Variants in KIRREL3 observed in about 807,000 individuals in gnomAD.
KIRREL3 encodes kin of IRRE-like protein 3.
KIRREL3 carries 36 observed loss-of-function variants against 89.7 expected under a neutral mutation model. The ratio of observed to expected loss-of-function variants is 0.40; its 90% confidence interval spans 0.31 to 0.53. The LOEUF (loss-of-function observed/expected upper bound fraction) is 0.53, where lower values mean the gene tolerates loss of function less well. KIRREL3 is among the 20% of genes least tolerant of loss of function. The probability of loss-of-function intolerance (pLI) is 0.49; values close to 1 mark genes in which losing one functional copy is unlikely to be tolerated. For missense variants in KIRREL3, 864 were observed against 1,056.6 expected (o/e 0.82, Z 2.53); for synonymous variants, 445 against 441.4 (o/e 1.01, Z -0.10).
At position 126,747,202 on chromosome 11, in the gene KIRREL3, G is replaced by C. The variant is rs1352606823; in HGVS notation, c.56-184290C>G. On this transcript the variant is annotated intron_variant, in intron 1 of 16. Coordinates refer to ENST00000525144, the MANE Select transcript of KIRREL3 (RefSeq NM_032531.4). The surrounding 1 kb of genome is among the most constrained non-coding windows in gnomAD (Gnocchi z 4.7). ...GAGCTTGGCTCTTGGCTTAGTCCCA[G>C]GCCAGCAGGCCTCATACCTCTACTC... Among the ~76,000 whole-genome samples, 5 of 152,186 alleles carry C rather than the reference G, an allele frequency of 3.3e-5. No individual in the cohort carries two copies. Among genetic ancestry groups the C allele is most frequent in the Non-Finnish European group, 7.3e-5 (5 of 68,028 alleles).
chr11:126,939,613 A>G (rs1431991443), intron 1 of KIRREL3, among the ~76,000 whole-genome samples: 1 of 152,168 alleles, frequency 6.6e-6, no homozygotes, highest in African/African-American at 2.4e-5. Context: ...GAGGTAAGAC[A>G]AAAAGGACAG....
At chr11:126,644,094 G>A (rs191696001) in intron 1 of KIRREL3, among the ~76,000 whole-genome samples, 47 of 152,264 alleles carry the variant, frequency 3.1e-4, no homozygotes, top group African/African-American at 1.1e-3. Flanking sequence ...TAGGGTTAAT[G>A]GCTGAAAGTG....
In KIRREL3 at chr11:126,557,777, T is replaced by C. The variant is rs1300715698; in HGVS notation, c.133+5058A>G. Among the ~76,000 whole-genome samples the C allele has an allele frequency of 6.6e-6, 1 of 152,056 alleles. No homozygotes were observed. Among genetic ancestry groups the C allele is most frequent in the Non-Finnish European group, 1.5e-5 (1 of 68,006 alleles). ...TGTAAGGCTGGGAAGTGAGGACAGG[T>C]GCTGTGGGGGAGGGGCATTTGCACA... On this transcript the variant is annotated intron_variant, in intron 2 of 16. Transcript: ENST00000525144. The surrounding 1 kb of genome is among the most constrained non-coding windows in gnomAD (Gnocchi z 5.6).
intron 1 of KIRREL3, among the ~76,000 whole-genome samples, chr11:126,786,669 G>A (rs1029832013): frequency 2.0e-5 from 3 of 152,222 alleles, no homozygotes; most frequent in Admixed American, 2.0e-4. Context: ...TAGGCTAGTT[G>A]AGGAAAACAG....
At position 126,723,072 on chromosome 11, in the gene KIRREL3, G is replaced by A. The variant is rs1948241055; in HGVS notation, c.56-160160C>T. Among the ~76,000 whole-genome samples, 2 of 152,160 alleles carry A rather than the reference G, an allele frequency of 1.3e-5. No individual in the cohort carries two copies. The highest frequency in any genetic ancestry group is 4.1e-4 in the South Asian group (2 of 4,828). On this transcript the variant is annotated intron_variant, in intron 1 of 16. Transcript: ENST00000525144. The surrounding 1 kb of genome is among the most constrained non-coding windows in gnomAD (Gnocchi z 4.0). ...TGTGGCTGCACATAGTGTACGGTAGGTATTGCGGTATTTGACACATGTTGG... is the reference window on the plus strand; with the variant it reads ...TGTGGCTGCACATAGTGTACGGTAGATATTGCGGTATTTGACACATGTTGG...
At chr11:126,745,170 T>TC (rs1405489488) in intron 1 of KIRREL3, among the ~76,000 whole-genome samples, 1 of 152,072 alleles carries the variant, frequency 6.6e-6, no homozygotes, top group East Asian at 1.9e-4. Context: ...TACTGGTTTC[T>TC]CCCCCGAAAG....
intron 1 of KIRREL3, among the ~76,000 whole-genome samples, chr11:126,581,152 T>C (rs1349539852): frequency 1.3e-5 from 2 of 152,208 alleles, no homozygotes; most frequent in African/African-American, 4.8e-5. Context: ...TTGATTAAAT[T>C]TTCAAATATA....
rs765259181 is a variant in KIRREL3 at position 126,522,486 on chromosome 11, G to A, written c.284-1022C>T. Reference sequence around the variant, plus strand: ...GCCAGAAGCCCCAGGTCCTGGTGACGCACTTATGAAGTGCTCAGGACGCTT... The same window carrying A: ...GCCAGAAGCCCCAGGTCCTGGTGACACACTTATGAAGTGCTCAGGACGCTT... On this transcript the variant is annotated intron_variant, in intron 3 of 16. Coordinates refer to ENST00000525144, the MANE Select transcript of KIRREL3 (RefSeq NM_032531.4). The surrounding 1 kb of genome is among the most constrained non-coding windows in gnomAD (Gnocchi z 6.0). 3.0e-4 allele frequency among the ~76,000 whole-genome samples: 45 copies of A among 152,258 alleles called. No individual in the cohort carries two copies. Among genetic ancestry groups the A allele is most frequent in the Non-Finnish European group, 4.1e-4 (28 of 68,014 alleles).
chr11:126,586,972 C>A (rs978562455), intron 1 of KIRREL3, among the ~76,000 whole-genome samples: 1 of 152,154 alleles, frequency 6.6e-6, no homozygotes, highest in East Asian at 1.9e-4. Context: ...AGCCAATAAA[C>A]GTCCTTTGAA....
chr11:126,995,518 C>A lies in KIRREL3; in HGVS notation c.55+4937G>T. On this transcript the variant is annotated intron_variant, in intron 1 of 16. Coordinates refer to ENST00000525144, the MANE Select transcript of KIRREL3 (RefSeq NM_032531.4). The surrounding 1 kb of genome is among the most constrained non-coding windows in gnomAD (Gnocchi z 6.5). ...TAAGGATTGTAGCTGCAAAATAATG[C>A]CTATGCCCCTCTAGCCCCCTTAGCA... 1 of 359,910 alleles carries A rather than the reference C, an allele frequency of 2.8e-6. No homozygotes were observed. Among genetic ancestry groups the A allele is most frequent in the South Asian group, 2.1e-5 (1 of 47,830 alleles). The allele number at this position is 359,910 out of a possible 1,614,324, so 22.3% of individuals were successfully genotyped here. A position where few individuals can be genotyped will look rare whatever the true frequency, so the allele number is the denominator to read the frequency against.
chr11:126,801,992 C>T (rs539295611), intron 1 of KIRREL3, among the ~76,000 whole-genome samples: 4 of 152,124 alleles, frequency 2.6e-5, no homozygotes, highest in Non-Finnish European at 5.9e-5. Flanking sequence ...AAGATTTCAC[C>T]TCACTGTCTC....
In KIRREL3 at chr11:126,491,371, G is replaced by C. The variant is rs1393574380; in HGVS notation, c.434-17905C>G. The stretch of plus-strand genomic sequence containing the variant: ...TATTGTGTGATGGGTGGGGACACTT[G>C]CTCTCAGGGGGAAAGAAAGCGCCCT... On this transcript the variant is annotated intron_variant, in intron 4 of 16. Coordinates refer to ENST00000525144, the MANE Select transcript of KIRREL3 (RefSeq NM_032531.4). This position sits in a 1 kb window ranked among gnomAD's most constrained non-coding sequence, Gnocchi z 5.5. 6.6e-6 allele frequency among the ~76,000 whole-genome samples: 1 copy of C among 152,180 alleles called. No individual in the cohort carries two copies. The highest frequency in any genetic ancestry group is 2.4e-5 in the African/African-American group (1 of 41,448).
In KIRREL3 at chr11:126,643,287, T is replaced by C; in HGVS notation, c.56-80375A>G. 6.6e-6 allele frequency among the ~76,000 whole-genome samples: 1 copy of C among 152,234 alleles called. No homozygotes were observed. The highest frequency in any genetic ancestry group is 1.9e-4 in the East Asian group (1 of 5,198). ...ACATAGCAGATGCTCAATAAATTAA[T>C]ATTTATTAAACTAATGAATTACAAA... On this transcript the variant is annotated intron_variant, in intron 1 of 16. Transcript: ENST00000525144. This position sits in a 1 kb window ranked among gnomAD's most constrained non-coding sequence, Gnocchi z 4.5.
chr11:126,729,389 A>G lies in KIRREL3; in HGVS notation c.56-166477T>C, dbSNP rs1030793501. Among the ~76,000 whole-genome samples, 1 of 152,240 alleles carries G rather than the reference A, an allele frequency of 6.6e-6. No individual in the cohort carries two copies. Among genetic ancestry groups the G allele is most frequent in the Admixed American group, 6.5e-5 (1 of 15,290 alleles). On this transcript the variant is annotated intron_variant, in intron 1 of 16. Coordinates refer to ENST00000525144, the MANE Select transcript of KIRREL3 (RefSeq NM_032531.4). The surrounding 1 kb of genome is among the most constrained non-coding windows in gnomAD (Gnocchi z 4.5). ...CCTGGTGAGGAACAAAAGGTGTCACAAGGCTCATTTTAGGGACATATTGCA... is the reference window on the plus strand; with the variant it reads ...CCTGGTGAGGAACAAAAGGTGTCACGAGGCTCATTTTAGGGACATATTGCA...
At chr11:126,442,477 G>A (rs1028668237) in intron 10 of KIRREL3, among the ~76,000 whole-genome samples, 3 of 152,142 alleles carry the variant, frequency 2.0e-5, no homozygotes, top group African/African-American at 7.2e-5. Flanking sequence ...AAGGGAAATG[G>A]GGTGAGGGTT....
chr11:126,540,788 G>A (rs1014605766), intron 2 of KIRREL3, among the ~76,000 whole-genome samples: 1 of 152,226 alleles, frequency 6.6e-6, no homozygotes, highest in Non-Finnish European at 1.5e-5. Flanking sequence ...GTGGGGGAGT[G>A]GAGATGGGAG....
chr11:126,435,123 T>C (rs1311867738), intron 13 of KIRREL3, 145 bp downstream of exon 13: 1 of 851,192 alleles, frequency 1.2e-6, no homozygotes, highest in Non-Finnish European at 1.9e-6. Flanking sequence ...CACTGCTTTG[T>C]CTACACTAAA....
At position 127,000,532 on chromosome 11, in the gene KIRREL3, C is replaced by T. The variant is rs1338460827; in HGVS notation, c.-23G>A. 4 of 1,594,420 alleles carry T rather than the reference C, an allele frequency of 2.5e-6. No homozygotes were observed. The Admixed American group carries it at 7.0e-5, about 28-fold the overall frequency. The stretch of plus-strand genomic sequence containing the variant: ...CATTCCTTAGCGCAGCGAAGGAAAG[C>T]CGGCGGGGTAACTTGGCTGTGGTTA... On this transcript the variant is annotated 5_prime_UTR_variant, in exon 1 of 17. Coordinates refer to ENST00000525144, the MANE Select transcript of KIRREL3 (RefSeq NM_032531.4). This position sits in a 1 kb window ranked among gnomAD's most constrained non-coding sequence, Gnocchi z 7.1.
Position 126,463,705 on chromosome 11 carries a change from A to T in KIRREL3, c.592-398T>A, listed in dbSNP as rs115395504. Among the ~76,000 whole-genome samples the T allele has an allele frequency of 7.6e-4, 116 of 152,282 alleles. No homozygotes were observed. Among genetic ancestry groups the T allele is most frequent in the African/African-American group, 2.7e-3 (113 of 41,568 alleles). ...CTCAGGCTCTGTAGGAAGCAACGAG[A>T]TGGTTTGCAACCAGCAGGGACTGTG... On this transcript the variant is annotated intron_variant, in intron 5 of 16. Transcript: ENST00000525144. The surrounding 1 kb of genome is among the most constrained non-coding windows in gnomAD (Gnocchi z 5.9).
Sources: gnomAD v4.1 joint callset for allele counts (sites outside exome capture counted in the v4.1 genomes callset) on GRCh38, gnomAD v4.1.1 for gene constraint, Gnocchi (gnomAD v3.1) non-coding constraint, MANE v1.5 for transcripts, NCBI Gene and HGNC (gene_info 2026-07-23, HGNC 2026-07-21) for gene names.